The following JAG1 variants were observed in gnomAD, a reference collection of about 807,000 sequenced individuals.
JAG1 encodes the protein jagged canonical Notch ligand 1, also known as protein jagged-1.
In JAG1, 23 loss-of-function variants were observed where a neutral mutation model predicts 148.7. The ratio of observed to expected loss-of-function variants is 0.15; its 90% CI spans 0.11 to 0.22. JAG1 has a LOEUF of 0.22. JAG1 is among the 10% of genes least tolerant of loss of function. JAG1 has a pLI of 1.00. For synonymous variants in JAG1, 572 were observed against 598.3 expected (o/e 0.96, Z 0.64); for missense variants, 1,054 against 1,611.2 (o/e 0.65, Z 5.92).
At chr20:10,662,349 G>A (rs1206134698) in intron 3 of JAG1, 1 of 152,286 alleles carries the variant, frequency 6.6e-6, no homozygotes, top group Non-Finnish European at 1.5e-5. Context: ...ATAACTCCCT[G>A]ACCTGCGAGG....
chr20:10,642,369 A>G (rs984928530), intron 21 of JAG1, 119 bp downstream of exon 21: 5 of 690,632 alleles, frequency 7.2e-6, no homozygotes, highest in Non-Finnish European at 1.3e-5. Flanking sequence ...TTTCCCTTGT[A>G]GTCCCACTGT....
intron 3 of JAG1, among the ~76,000 whole-genome samples, chr20:10,661,540 T>TA (rs2067417184): frequency 6.6e-6 from 1 of 152,116 alleles, no homozygotes; most frequent in Non-Finnish European, 1.5e-5. Context: ...AGGCTACAGA[T>TA]ACGATGGACA....
At chr20:10,664,668 C>T (rs1004082114) in intron 2 of JAG1, among the ~76,000 whole-genome samples, 1 of 152,120 alleles carries the variant, frequency 6.6e-6, no homozygotes, top group Non-Finnish European at 1.5e-5. Context: ...GAGTTGGGGG[C>T]AGATCCCAGG....
rs74803975 is a variant in JAG1, at chr20:10,645,589, G to A, written c.2000-120C>T. On this transcript the variant is annotated intron_variant, in intron 15 of 25. Coordinates refer to ENST00000254958, the MANE Select transcript of JAG1 (RefSeq NM_000214.3). The surrounding 1 kb of genome is among the most constrained non-coding windows in gnomAD (Gnocchi z 6.1). ...TCCTATTCTGAGAACAGCCACAGTCGTAGTACTTTAACACAATCAGGCTTT... is the reference window on the plus strand; with the variant it reads ...TCCTATTCTGAGAACAGCCACAGTCATAGTACTTTAACACAATCAGGCTTT... The A allele has an allele frequency of 5.5e-3, 4,533 of 817,018 alleles. 132 individuals carry two copies. The African/African-American group carries it at 0.064, about 12-fold the overall frequency. The allele number at this position is 817,018 out of a possible 1,614,324, so 50.6% of individuals were successfully genotyped here.
chr20:10,642,030 G>A, intron 21 of JAG1, 138 bp from the exon 22 acceptor site: 1 of 727,556 alleles, frequency 1.4e-6, no homozygotes, highest in Non-Finnish European at 2.5e-6. Context: ...AACAGCATGT[G>A]TACTTCCTGC....
At chr20:10,659,553 A>G (rs6040060) in intron 3 of JAG1, among the ~76,000 whole-genome samples, 106,179 of 136,634 alleles carry the variant, frequency 0.78, 41,520 homozygotes, top group Middle Eastern at 0.86. Context: ...GGAGACGATT[A>G]AGTTACTTTT....
rs763799026 is a variant in JAG1 at position 10,649,606 on chromosome 20, C to T, written c.1264G>A (p.Val422Ile). Residue 422 changes from valine to isoleucine, a missense_variant, in exon 10 of 26, where the codon GTA becomes ATA. Val to Ile is a conservative substitution (Grantham distance 29, BLOSUM62 3). Transcript: ENST00000254958. ...AGATTCTTACAGGATTTGGCGTTTACACAAGGTTTGGCCTCACATTCATTT... is the reference window on the plus strand; with the variant it reads ...AGATTCTTACAGGATTTGGCGTTTATACAAGGTTTGGCCTCACATTCATTT... ...DANECEAKPCVNAKSCKNLIA... is the reference protein window; with the variant it reads ...DANECEAKPCINAKSCKNLIA... The T allele has an allele frequency of 3.7e-6, 6 of 1,613,570 alleles. No individual in the cohort carries two copies. The highest frequency in any genetic ancestry group is 1.1e-5 in the South Asian group (1 of 91,056).
At position 10,645,105 on chromosome 20, in the gene JAG1, C is replaced by T. The variant is rs766582194; in HGVS notation, c.2227+38G>A. On this transcript the variant is annotated intron_variant, in intron 17 of 25. Transcript: ENST00000254958. The surrounding 1 kb of genome is among the most constrained non-coding windows in gnomAD (Gnocchi z 6.1). ...CAACCAGCAGACACGCCCAGGTGGC[C>T]ATGCCCACTGCAGATCCCACGTGGG... 7 of 1,555,268 alleles carry T rather than the reference C, an allele frequency of 4.5e-6. No individual in the cohort carries two copies. The highest frequency in any genetic ancestry group is 4.5e-5 in the East Asian group (2 of 44,588).
At chr20:10,651,996 G>T in intron 7 of JAG1, 135 bp downstream of exon 7, 1 of 1,027,364 alleles carries the variant, frequency 9.7e-7, no homozygotes, top group Non-Finnish European at 1.5e-6. Flanking sequence ...AAGGCTTATA[G>T]AATGGTTGGG....
intron 2 of JAG1, 116 bp downstream of exon 2, chr20:10,672,585 A>T: frequency 1.9e-6 from 2 of 1,041,528 alleles, no homozygotes; most frequent in Non-Finnish European, 2.9e-6. Flanking sequence ...AGATTTCCCC[A>T]GTTAGCGCCT....
rs1242473299 is a variant in JAG1, at chr20:10,672,766, T to C, written c.322A>G (p.Asn108Asp). The change falls in exon 2 of 26, where the codon AAC becomes GAC. Residue 108 changes from asparagine to aspartate, a missense_variant. Asn to Asp is a conservative substitution (Grantham distance 23, BLOSUM62 1). Transcript: ENST00000254958. ...STPVIGGNTF[N>D]LKASRGNDRN... The stretch of plus-strand genomic sequence containing the variant: ...TCGTTGCCGCGGCTGGCCTTGAGGT[T>C]GAAGGTGTTGCCCCCGATGACAGGC... 5 of 1,613,060 alleles carry C rather than the reference T, an allele frequency of 3.1e-6. No homozygotes were observed. The highest frequency in any genetic ancestry group is 1.7e-5 in the Admixed American group (1 of 60,032).
intron 2 of JAG1, among the ~76,000 whole-genome samples, chr20:10,671,688 G>A (rs2067495939): frequency 6.6e-6 from 1 of 152,040 alleles, no homozygotes; most frequent in African/African-American, 2.4e-5. Flanking sequence ...CATGCCTCCT[G>A]GACAGCAGGA....
chr20:10,654,783 G>T (rs947153081), intron 5 of JAG1, among the ~76,000 whole-genome samples: 4 of 152,178 alleles, frequency 2.6e-5, no homozygotes, highest in African/African-American at 4.8e-5. Context: ...GTGGGACTTC[G>T]AAAGAGAAAG....
chr20:10,664,674 C>T (rs573224470), intron 2 of JAG1, among the ~76,000 whole-genome samples: 1 of 152,078 alleles, frequency 6.6e-6, no homozygotes, highest in Non-Finnish European at 1.5e-5. Flanking sequence ...GGGGCAGATC[C>T]CAGGGAAGAA....
At chr20:10,664,393 C>T (rs1480851858) in intron 2 of JAG1, among the ~76,000 whole-genome samples, 1 of 148,434 alleles carries the variant, frequency 6.7e-6, no homozygotes, top group Non-Finnish European at 1.5e-5. Context: ...CACACACACA[C>T]ACACACACAC....
intron 3 of JAG1, chr20:10,662,352 C>G (rs1289322655): frequency 6.6e-6 from 1 of 152,268 alleles, no homozygotes; most frequent in East Asian, 1.9e-4. Flanking sequence ...ACTCCCTGAC[C>G]TGCGAGGTGA....
intron 8 of JAG1, chr20:10,650,566 T>C: frequency 1.8e-6 from 1 of 569,434 alleles, no homozygotes; most frequent in Non-Finnish European, 3.2e-6. Flanking sequence ...CCAGTTCATG[T>C]AATCCCCAAC....
At chr20:10,659,607 C>T in intron 3 of JAG1, among the ~76,000 whole-genome samples, 1 of 130,808 alleles carries the variant, frequency 7.6e-6, no homozygotes, top group South Asian at 2.6e-4. Context: ...AACATGGCAA[C>T]CTTTAAAGCC....
chr20:10,672,755 G>A lies in JAG1; in HGVS notation c.333C>T (p.Ala111=). 1 of 1,613,092 alleles carries A rather than the reference G, an allele frequency of 6.2e-7. No individual in the cohort carries two copies. The highest frequency in any genetic ancestry group is 1.1e-5 in the South Asian group (1 of 91,082). Residue 111 remains alanine (A), a synonymous_variant, in exon 2 of 26, where the codon GCC becomes GCT. Coordinates refer to ENST00000254958, the MANE Select transcript of JAG1 (RefSeq NM_000214.3). ...TGCGGTTGCGGTCGTTGCCGCGGCT[G>A]GCCTTGAGGTTGAAGGTGTTGCCCC... The part of the protein sequence containing the change: ...VIGGNTFNLK[A]SRGNDRNRIV...
Sources: allele counts gnomAD v4.1 joint callset (sites outside exome capture counted in the v4.1 genomes callset), GRCh38; gene constraint gnomAD v4.1.1; non-coding constraint Gnocchi (gnomAD v3.1); transcripts MANE v1.5; gene names NCBI Gene and HGNC (gene_info 2026-07-23, HGNC 2026-07-21).